SGPL1: variants seen among roughly 807,000 people sequenced by gnomAD.
SGPL1 encodes the protein SP-lyase 1.
Under a neutral mutation model 68.9 loss-of-function variants are expected in SGPL1, and 37 were observed. The ratio of observed to expected loss-of-function variants is 0.54; its 90% CI spans 0.41 to 0.71. SGPL1 has a LOEUF of 0.71. SGPL1 is among the 30% of genes least tolerant of loss of function. The pLI is 0.00. For missense variants in SGPL1, 551 were observed against 704.6 expected, an observed-to-expected ratio of 0.78 and a Z score of 2.47; for synonymous variants, 236 against 248.5, an observed-to-expected ratio of 0.95 and a Z score of 0.47.
chr10:70,816,928 T>G, intron 2 of SGPL1, 48 bp downstream of exon 2: 1 of 1,582,732 alleles, frequency 6.3e-7, no homozygotes, highest in Middle Eastern at 1.7e-4. Flanking sequence ...TTTGTCTCCG[T>G]TTTTTTAGTC....
rs138572077 is a variant in SGPL1, at chr10:70,866,804, A to T, written c.616-1541A>T. The stretch of plus-strand genomic sequence containing the variant: ...TTTTTTGGTGATGGTCACATGTTTC[A>T]TAAAGACTTCCTGAGTCAAAAAATG... On this transcript the variant is annotated intron_variant, in intron 7 of 14. Coordinates refer to ENST00000373202, the MANE Select transcript of SGPL1 (RefSeq NM_003901.4). The T allele has an allele frequency of 3.3e-5, 5 of 152,362 alleles. No homozygotes were observed. The East Asian group carries it at 9.6e-4, about 29-fold the overall frequency. 9.4% of individuals were successfully genotyped at this position (152,362 alleles called of 1,614,324 possible). A position where few individuals can be genotyped will look rare whatever the true frequency, so the allele number is the denominator to read the frequency against.
chr10:70,844,109 A>T (rs1479293582), intron 2 of SGPL1, among the ~76,000 whole-genome samples: 1 of 152,194 alleles, frequency 6.6e-6, no homozygotes, highest in Non-Finnish European at 1.5e-5. Context: ...TCAAATAGAG[A>T]AGAGAAATGA....
intron 3 of SGPL1, among the ~76,000 whole-genome samples, chr10:70,850,558 T>C (rs1207393180): frequency 6.6e-6 from 1 of 152,228 alleles, no homozygotes; most frequent in African/African-American, 2.4e-5. Context: ...ACTTGTAGTT[T>C]ATCCTGTAGG....
In SGPL1 at chr10:70,879,356, C is replaced by CTGA. The variant is rs919419855; in HGVS notation, c.*2021_*2022insTGA. The CTGA allele has an allele frequency of 6.7e-6, 1 of 149,710 alleles. No individual in the cohort carries two copies. Among genetic ancestry groups the CTGA allele is most frequent in the African/African-American group, 2.5e-5 (1 of 40,456 alleles). 9.3% of individuals were successfully genotyped at this position (149,710 alleles called of 1,614,324 possible). ...AACAACTGTGACTAGCTGGCCACGC[C>CTGA]ATTCAGGGCTGGTGTGGCATTTATG... is the stretch of plus-strand genomic sequence containing the variant. On this transcript the variant is annotated 3_prime_UTR_variant, in exon 15 of 15. Coordinates refer to ENST00000373202, the MANE Select transcript of SGPL1 (RefSeq NM_003901.4).
Position 70,816,807 on chromosome 10 carries a change from A to G in SGPL1, c.-43-4A>G. The G allele has an allele frequency of 1.3e-6, 2 of 1,597,372 alleles. No homozygotes were observed. The highest frequency in any genetic ancestry group is 1.7e-6 in the Non-Finnish European group (2 of 1,164,798). On this transcript the variant is annotated splice_region_variant and splice_polypyrimidine_tract_variant and intron_variant, in intron 1 of 14. Transcript: ENST00000373202. ...AAGTAAACAAACCTGGTTCCCTTTT[A>G]CAGAGTCTGAAAAAGGGGAGCGCGG...
chr10:70,820,456 G>A (rs1845318352), intron 2 of SGPL1: 1 of 152,098 alleles, frequency 6.6e-6, no homozygotes, highest in South Asian at 2.1e-4. Context: ...GAAAATACAT[G>A]TTTTATTATT....
chr10:70,857,765 T>C, intron 6 of SGPL1, 75 bp downstream of exon 6: 1 of 942,906 alleles, frequency 1.1e-6, no homozygotes, highest in Non-Finnish European at 1.6e-6. Context: ...TCCCTTACTT[T>C]TGTAATTAGA....
At chr10:70,819,517 T>A (rs1276301237) in intron 2 of SGPL1, among the ~76,000 whole-genome samples, 2 of 152,156 alleles carry the variant, frequency 1.3e-5, no homozygotes, top group African/African-American at 4.8e-5. Context: ...ATGTAAAACA[T>A]GTTCTTGGCC....
rs148120321 is a variant in SGPL1 at position 70,862,175 on chromosome 10, A to G, written c.615+2676A>G. Among the ~76,000 whole-genome samples the G allele has an allele frequency of 9.3e-3, 1,419 of 152,298 alleles. 17 individuals are homozygous for G. The highest frequency in any genetic ancestry group is 0.032 in the African/African-American group (1,316 of 41,564). On this transcript the variant is annotated intron_variant, in intron 7 of 14. Transcript: ENST00000373202. ...TTTATGTGTAGCTCAGGGATTGTAA[A>G]TACACCAATCGGCACTCTGTATCTA...
chr10:70,852,612 T>A (rs1393824959), intron 4 of SGPL1, among the ~76,000 whole-genome samples: 3 of 152,184 alleles, frequency 2.0e-5, no homozygotes, highest in Admixed American at 2.0e-4. Context: ...AGTAACAGAA[T>A]TGGAAGATCC....
Position 70,874,645 on chromosome 10 carries a change from C to A in SGPL1, c.1299-757C>A, listed in dbSNP as rs146201701. On this transcript the variant is annotated intron_variant, in intron 12 of 14. Coordinates refer to ENST00000373202, the MANE Select transcript of SGPL1 (RefSeq NM_003901.4). ...GGCTGAGGCAGGAGAATTGCTTGAA[C>A]CCGGGAGGCAGAGGTTGCGGTGAGT... 5.9e-3 allele frequency among the ~76,000 whole-genome samples: 905 copies of A among 152,266 alleles called. 15 individuals are homozygous for A. In the East Asian group the frequency reaches 0.06, roughly 10 times the overall value.
At chr10:70,855,027 C>G (rs1845942583) in intron 5 of SGPL1, among the ~76,000 whole-genome samples, 172 bp downstream of exon 5, 1 of 152,224 alleles carries the variant, frequency 6.6e-6, no homozygotes, top group Non-Finnish European at 1.5e-5. Flanking sequence ...TGTTTAGATT[C>G]ATCCTTCATC....
chr10:70,863,311 TA>T lies in SGPL1; in HGVS notation c.615+3814del, dbSNP rs1423891772. 4.5e-4 allele frequency among the ~76,000 whole-genome samples: 59 copies of T among 129,712 alleles called. No homozygotes were observed. The South Asian group carries it at 0.016, about 34-fold the overall frequency. The allele number at this position is 129,712 out of a possible 152,430, so 85.1% of individuals were successfully genotyped here. A position where few individuals can be genotyped will look rare whatever the true frequency, so the allele number is the denominator to read the frequency against. On this transcript the variant is annotated intron_variant, in intron 7 of 14. Transcript: ENST00000373202. ...CGTCTTTTTTTTTTTTTTTTTTTTT[TA>T]ATCTGCTTGGTTGTTTTTTATAGTC...
intron 1 of SGPL1, 37 bp downstream of exon 1, chr10:70,816,163 G>A (rs538809539): frequency 1.3e-5 from 2 of 152,048 alleles, no homozygotes; most frequent in Admixed American, 1.3e-4. Context: ...GGGCGGTGAG[G>A]GTCGGGACGG....
At chr10:70,857,545 C>G in intron 5 of SGPL1, 69 bp from the exon 6 acceptor site, 1 of 1,297,458 alleles carries the variant, frequency 7.7e-7, no homozygotes, top group Non-Finnish European at 1.1e-6. Context: ...CTTCCTGTTT[C>G]TTCTTTATCA....
Position 70,818,109 on chromosome 10 carries a change from G to A in SGPL1, c.27+1229G>A, listed in dbSNP as rs990870735. ...GTCCGGGTTTAGTTTTTTTTGTTTC[G>A]TTTTGTTTTGTTTTGTTTGTTTGTT... On this transcript the variant is annotated intron_variant, in intron 2 of 14. Transcript: ENST00000373202. 3.3e-5 allele frequency among the ~76,000 whole-genome samples: 5 copies of A among 151,804 alleles called. No individual in the cohort carries two copies. In the East Asian group the frequency reaches 7.7e-4, roughly 23 times the overall value.
chr10:70,837,704 A>G (rs1845648101), intron 2 of SGPL1, among the ~76,000 whole-genome samples: 1 of 152,190 alleles, frequency 6.6e-6, no homozygotes, highest in Non-Finnish European at 1.5e-5. Context: ...GACTACCTGA[A>G]TGGAGATGCC....
chr10:70,864,254 C>T (rs751168408), intron 7 of SGPL1, among the ~76,000 whole-genome samples: 15 of 152,236 alleles, frequency 9.9e-5, no homozygotes, highest in African/African-American at 1.2e-4. Context: ...TGGGTTACTC[C>T]GCTTTTCATA....
At chr10:70,869,943 C>T in intron 9 of SGPL1, 46 bp downstream of exon 9, 2 of 1,452,678 alleles carry the variant, frequency 1.4e-6, no homozygotes, top group South Asian at 2.3e-5. Context: ...GCCCTGACAG[C>T]AGAAGGGCCC....
Sources: allele counts gnomAD v4.1 joint callset (sites outside exome capture counted in the v4.1 genomes callset), GRCh38; gene constraint gnomAD v4.1.1; transcripts MANE v1.5; gene names NCBI Gene and HGNC (gene_info 2026-07-23, HGNC 2026-07-21).